Variants in CORO2A observed in about 807,000 individuals in gnomAD.
The protein encoded by CORO2A is coronin 2A, also known as coronin-2A.
In CORO2A, 47 loss-of-function variants were observed where a neutral mutation model predicts 62.4. The ratio of observed to expected loss-of-function variants is 0.75; its 90% CI spans 0.60 to 0.96. CORO2A has a LOEUF of 0.96. Among genes scored for constraint, CORO2A ranks in the 40% least tolerant of loss-of-function variants. CORO2A has a pLI of 0.00. For missense variants in CORO2A, 610 were observed against 684.1 expected, an observed-to-expected ratio of 0.89 and a Z score of 1.21; for synonymous variants, 273 against 268.9, an observed-to-expected ratio of 1.02 and a Z score of -0.15.
intron 2 of CORO2A, 36 bp from the exon 3 acceptor site, chr9:98,137,724 T>A: frequency 6.7e-7 from 1 of 1,483,228 alleles, no homozygotes; most frequent in Non-Finnish European, 9.4e-7. Context: ...GGGGAGGAGG[T>A]GGATTCCACA....
intron 1 of CORO2A, among the ~76,000 whole-genome samples, chr9:98,186,987 T>G (rs1192700251): frequency 1.3e-5 from 2 of 152,038 alleles, no homozygotes; most frequent in African/African-American, 4.8e-5. Flanking sequence ...ATATCATAAA[T>G]TGGGTGCTTT....
chr9:98,152,379 T>A (rs1438782691), intron 2 of CORO2A, among the ~76,000 whole-genome samples: 2 of 152,078 alleles, frequency 1.3e-5, no homozygotes, highest in Admixed American at 6.5e-5. Flanking sequence ...AGCCTTGAAC[T>A]CCTGGGCTCA....
chr9:98,134,740 T>C, intron 4 of CORO2A, 66 bp downstream of exon 4: 1 of 1,491,374 alleles, frequency 6.7e-7, no homozygotes, highest in Admixed American at 2.2e-5. Flanking sequence ...CAGAATACAT[T>C]TCCATTGTAT....
intron 2 of CORO2A, among the ~76,000 whole-genome samples, chr9:98,147,787 A>G (rs889736171): frequency 6.6e-6 from 1 of 152,248 alleles, no homozygotes; most frequent in Non-Finnish European, 1.5e-5. Context: ...CCTTTATGCC[A>G]GAGAAATGGA....
intron 2 of CORO2A, among the ~76,000 whole-genome samples, chr9:98,154,329 GTATATATATATATA>G (rs61422672): frequency 3.4e-5 from 3 of 88,960 alleles, no homozygotes; most frequent in African/African-American, 1.6e-4. Context: ...GTGTTTGTGT[GTATATATATATATA>G]TATATATATA....
intron 10 of CORO2A, among the ~76,000 whole-genome samples, chr9:98,127,368 G>T (rs934369480): frequency 2.0e-5 from 3 of 152,188 alleles, no homozygotes; most frequent in Admixed American, 2.0e-4. Context: ...GGAAGTTTGT[G>T]GGGGTGGAAG....
intron 1 of CORO2A, among the ~76,000 whole-genome samples, chr9:98,184,058 G>A (rs1828209035): frequency 6.6e-6 from 1 of 152,166 alleles, no homozygotes; most frequent in Admixed American, 6.5e-5. Flanking sequence ...ATACAGGAGG[G>A]TGTGTGTAGG....
At chr9:98,160,305 A>T (rs1170303169) in intron 1 of CORO2A, among the ~76,000 whole-genome samples, 2 of 152,238 alleles carry the variant, frequency 1.3e-5, no homozygotes, top group Non-Finnish European at 1.5e-5. Flanking sequence ...TAGGGACACA[A>T]GGAAAATGCA....
intron 2 of CORO2A, among the ~76,000 whole-genome samples, chr9:98,145,085 C>T (rs1827624549): frequency 6.6e-6 from 1 of 152,070 alleles, no homozygotes; most frequent in Non-Finnish European, 1.5e-5. Context: ...CCTTCATCAC[C>T]CCTCTCCTTA....
At chr9:98,132,021 G>A (rs1827415373) in intron 6 of CORO2A, among the ~76,000 whole-genome samples, 164 bp downstream of exon 6, 1 of 152,152 alleles carries the variant, frequency 6.6e-6, no homozygotes, top group Non-Finnish European at 1.5e-5. Context: ...GGCTCGCCCG[G>A]GGCTGTCAGC....
intron 1 of CORO2A, among the ~76,000 whole-genome samples, chr9:98,189,894 T>A (rs113491541): frequency 0.39 from 59,693 of 151,630 alleles, 13,107 homozygotes; most frequent in African/African-American, 0.6. Flanking sequence ...TTTATTTTTT[T>A]TTTTTTTTGA....
At chr9:98,174,472 A>G (rs1246935749) in intron 1 of CORO2A, among the ~76,000 whole-genome samples, 1 of 152,224 alleles carries the variant, frequency 6.6e-6, no homozygotes, top group African/African-American at 2.4e-5. Context: ...AGAGTAGGCT[A>G]CTGTGAAATC....
At chr9:98,182,503 C>T (rs557521744) in intron 1 of CORO2A, among the ~76,000 whole-genome samples, 1 of 152,278 alleles carries the variant, frequency 6.6e-6, no homozygotes, top group South Asian at 2.1e-4. Context: ...CTTTTAATGA[C>T]CAGGCCACTG....
chr9:98,181,555 G>A (rs572552370), intron 1 of CORO2A, among the ~76,000 whole-genome samples: 2 of 151,898 alleles, frequency 1.3e-5, no homozygotes, highest in African/African-American at 4.8e-5. Flanking sequence ...ATGTAAACGT[G>A]AGCAGACCCC....
intron 1 of CORO2A, among the ~76,000 whole-genome samples, chr9:98,158,150 C>A (rs61074100): frequency 0.21 from 31,401 of 152,058 alleles, 4,402 homozygotes; most frequent in African/African-American, 0.4. Flanking sequence ...TGAGGTAACA[C>A]AAGTATCCAT....
At chr9:98,164,088 G>T (rs1827927268) in intron 1 of CORO2A, among the ~76,000 whole-genome samples, 1 of 152,224 alleles carries the variant, frequency 6.6e-6, no homozygotes, top group East Asian at 1.9e-4. Flanking sequence ...TGACTTGTGG[G>T]CACAGTGAGC....
chr9:98,154,275 T>C (rs1053482775), intron 2 of CORO2A, among the ~76,000 whole-genome samples: 1 of 144,642 alleles, frequency 6.9e-6, no homozygotes, highest in African/African-American at 2.5e-5. Flanking sequence ...GAAAGTTTTG[T>C]AGGATTTACC....
chr9:98,184,253 A>T (rs1828211250), intron 1 of CORO2A, among the ~76,000 whole-genome samples: 1 of 151,950 alleles, frequency 6.6e-6, no homozygotes, highest in Non-Finnish European at 1.5e-5. Context: ...TAATAGAGGC[A>T]ATGTCTTACT....
intron 2 of CORO2A, among the ~76,000 whole-genome samples, chr9:98,155,814 G>T (rs140409615): frequency 0.012 from 1,789 of 152,112 alleles, 22 homozygotes; most frequent in African/African-American, 0.024. Context: ...GTTCTTATTA[G>T]ATTTCAAAGC....
Sources: gnomAD v4.1 joint callset for allele counts (sites outside exome capture counted in the v4.1 genomes callset) on GRCh38, gnomAD v4.1.1 for gene constraint, MANE v1.5 for transcripts, NCBI Gene and HGNC (gene_info 2026-07-23, HGNC 2026-07-21) for gene names.